GDPD4: variants seen among roughly 807,000 people sequenced by gnomAD.
GDPD4 encodes the protein glycerophosphodiester phosphodiesterase 6.
A neutral mutation model predicts 67.8 loss-of-function variants in GDPD4; 60 were observed. The observed-to-expected ratio is 0.88, with a 90% CI of 0.72 to 1.10. GDPD4 has a LOEUF of 1.10. Among genes scored for constraint, GDPD4 ranks in the 50% least tolerant of loss-of-function variants. The pLI is 0.00. For missense variants in GDPD4, 623 were observed against 613.9 expected, an observed-to-expected ratio of 1.01 and a Z score of -0.16; for synonymous variants, 212 against 210.9, an observed-to-expected ratio of 1.00 and a Z score of -0.04.
At chr11:77,235,273 TC>T (rs1958540131) in intron 13 of GDPD4, among the ~76,000 whole-genome samples, 1 of 152,062 alleles carries the variant, frequency 6.6e-6, no homozygotes, top group Admixed American at 6.6e-5. Context: ...CAGTTCTCCC[TC>T]AAATAGATCT....
At chr11:77,258,291 G>T in intron 11 of GDPD4, 95 bp downstream of exon 11, 1 of 1,185,136 alleles carries the variant, frequency 8.4e-7, no homozygotes, top group Non-Finnish European at 1.2e-6. Context: ...GTGGATACTT[G>T]CCTATCTTCA....
intron 3 of GDPD4, among the ~76,000 whole-genome samples, chr11:77,281,193 T>C (rs889900040): frequency 2.0e-5 from 3 of 152,206 alleles, no homozygotes; most frequent in African/African-American, 7.2e-5. Context: ...TCTGTTATCA[T>C]TATAACAATG....
intron 8 of GDPD4, 116 bp from the exon 9 acceptor site, chr11:77,269,185 G>T: frequency 1.2e-6 from 1 of 808,858 alleles, no homozygotes; most frequent in Non-Finnish European, 2.0e-6. Context: ...TTCATTGACT[G>T]TGTACTGGCT....
At chr11:77,233,824 G>A (rs1015144881) in intron 13 of GDPD4, among the ~76,000 whole-genome samples, 5 of 152,076 alleles carry the variant, frequency 3.3e-5, no homozygotes, top group African/African-American at 1.2e-4. Context: ...ATAAATAAAT[G>A]AGTACCAATC....
At chr11:77,218,319 T>C (rs1163931969) in intron 16 of GDPD4, among the ~76,000 whole-genome samples, 1 of 152,170 alleles carries the variant, frequency 6.6e-6, no homozygotes, top group Non-Finnish European at 1.5e-5. Flanking sequence ...CTATTTTTTC[T>C]GATATATTTT....
chr11:77,300,971 G>A (rs1166303435), intron 1 of GDPD4, among the ~76,000 whole-genome samples: 1 of 152,126 alleles, frequency 6.6e-6, no homozygotes, highest in Non-Finnish European at 1.5e-5. Context: ...TAAGCTGCTT[G>A]GATATCGAAT....
At chr11:77,274,083 G>A (rs931514732) in intron 5 of GDPD4, among the ~76,000 whole-genome samples, 1 of 152,192 alleles carries the variant, frequency 6.6e-6, no homozygotes, top group African/African-American at 2.4e-5. Context: ...ACCTGGAATG[G>A]TAATCAGAAT....
At chr11:77,237,193 T>C (rs1261421547) in intron 13 of GDPD4, among the ~76,000 whole-genome samples, 4 of 152,124 alleles carry the variant, frequency 2.6e-5, no homozygotes, top group Non-Finnish European at 4.4e-5. Flanking sequence ...GGAGGCCTCA[T>C]CTATTACTCT....
intron 13 of GDPD4, among the ~76,000 whole-genome samples, chr11:77,240,727 C>G: frequency 6.6e-6 from 1 of 151,744 alleles, no homozygotes; most frequent in East Asian, 1.9e-4. Context: ...TATTTAATAG[C>G]AAAAAAACAA....
At chr11:77,264,907 GTAAAGGAAATTTATATTTA>G (rs1457247684) in intron 10 of GDPD4, among the ~76,000 whole-genome samples, 3 of 152,060 alleles carry the variant, frequency 2.0e-5, no homozygotes, top group Non-Finnish European at 4.4e-5. Flanking sequence ...TTGCCCTTTT[GTAAAGGAAATTTATATTTA>G]TAAAGGAAAT....
intron 13 of GDPD4, among the ~76,000 whole-genome samples, chr11:77,241,818 C>A (rs1452657967): frequency 6.6e-6 from 1 of 151,700 alleles, no homozygotes; most frequent in Non-Finnish European, 1.5e-5. Context: ...GTGGCGTGCA[C>A]CTGTAGTCTC....
At chr11:77,222,383 T>C (rs1336166238) in intron 16 of GDPD4, among the ~76,000 whole-genome samples, 2 of 152,242 alleles carry the variant, frequency 1.3e-5, no homozygotes, top group South Asian at 2.1e-4. Context: ...CCATGTTTAG[T>C]GCTTCCTTCA....
intron 5 of GDPD4, among the ~76,000 whole-genome samples, chr11:77,275,846 G>A (rs779410334): frequency 6.6e-5 from 10 of 152,182 alleles, no homozygotes; most frequent in Non-Finnish European, 1.3e-4. Flanking sequence ...AAAGTACTGG[G>A]AAATTAATGG....
At chr11:77,269,208 A>G in intron 8 of GDPD4, 139 bp from the exon 9 acceptor site, 1 of 696,940 alleles carries the variant, frequency 1.4e-6, no homozygotes, top group Non-Finnish European at 2.4e-6. Flanking sequence ...TTTACTTTCT[A>G]TTTCTGTGAC....
intron 10 of GDPD4, among the ~76,000 whole-genome samples, chr11:77,265,896 T>A (rs1468330977): frequency 1.3e-5 from 2 of 152,186 alleles, no homozygotes; most frequent in Non-Finnish European, 2.9e-5. Context: ...GATCTTCAAA[T>A]GGAATCATAC....
chr11:77,231,717 T>C (rs1958458529), intron 14 of GDPD4, among the ~76,000 whole-genome samples: 1 of 152,194 alleles, frequency 6.6e-6, no homozygotes, highest in Non-Finnish European at 1.5e-5. Flanking sequence ...ATTCAGGGGA[T>C]AGGATTATGG....
chr11:77,300,050 A>G (rs1169635081), intron 1 of GDPD4, among the ~76,000 whole-genome samples: 1 of 152,112 alleles, frequency 6.6e-6, no homozygotes, highest in African/African-American at 2.4e-5. Flanking sequence ...ATATGTCAGT[A>G]TGTTCAATTC....
intron 5 of GDPD4, among the ~76,000 whole-genome samples, chr11:77,274,772 C>T (rs952728620): frequency 1.3e-5 from 2 of 152,030 alleles, no homozygotes; most frequent in African/African-American, 2.4e-5. Flanking sequence ...TGGGGAAATA[C>T]AAGAAATACA....
chr11:77,289,724 C>G (rs113043821), intron 1 of GDPD4, among the ~76,000 whole-genome samples: 3,589 of 148,946 alleles, frequency 0.024, 157 homozygotes, highest in African/African-American at 0.084. Flanking sequence ...GAGCAAGACT[C>G]CATCTCAAAA....
Sources: gnomAD v4.1 joint callset for allele counts (sites outside exome capture counted in the v4.1 genomes callset) on GRCh38, gnomAD v4.1.1 for gene constraint, MANE v1.5 for transcripts, NCBI Gene and HGNC (gene_info 2026-07-23, HGNC 2026-07-21) for gene names.